SPTBN1: variants seen among roughly 807,000 people sequenced by gnomAD.
SPTBN1 encodes spectrin beta chain, non-erythrocytic 1.
Under a neutral mutation model 266.4 loss-of-function variants are expected in SPTBN1, and 32 were observed. The observed-to-expected ratio is 0.12, with a 90% confidence interval of 0.09 to 0.16. The LOEUF is 0.16. Ranked by LOEUF, SPTBN1 falls within the 10% of genes least tolerant of loss-of-function variation. The pLI, the probability that SPTBN1 is intolerant of heterozygous loss-of-function variation, is 1.00. For missense variants in SPTBN1, 2,296 were observed against 3,067.1 expected (o/e 0.75, Z 5.94); for synonymous variants, 1,336 against 1,162.2 (o/e 1.15, Z -3.04).
At chr2:54,585,616 TTAAGA>T (rs1345619334) in intron 2 of SPTBN1, among the ~76,000 whole-genome samples, 2 of 152,254 alleles carry the variant, frequency 1.3e-5, no homozygotes, top group African/African-American at 4.8e-5. Context: ...CTTTTACATG[TTAAGA>T]TATCTTTAAA....
At chr2:54,652,380 C>G (rs1261200981) in intron 26 of SPTBN1, 1 of 152,158 alleles carries the variant, frequency 6.6e-6, no homozygotes, top group Non-Finnish European at 1.5e-5. Context: ...TCATTGTCAT[C>G]TTGGTGTGCT....
chr2:54,467,350 A>C (rs529608152), intron 1 of SPTBN1, among the ~76,000 whole-genome samples: 2 of 152,128 alleles, frequency 1.3e-5, no homozygotes, highest in African/African-American at 2.4e-5. Context: ...GTGATGTTTA[A>C]ACATTTTCCA....
At chr2:54,576,216 G>A (rs533890522) in intron 2 of SPTBN1, among the ~76,000 whole-genome samples, 27 of 151,776 alleles carry the variant, frequency 1.8e-4, no homozygotes, top group Non-Finnish European at 2.2e-4. Flanking sequence ...CACCACTCCC[G>A]GCTAATGTTT....
intron 34 of SPTBN1, among the ~76,000 whole-genome samples, chr2:54,666,754 T>C (rs1681398328): frequency 6.6e-6 from 1 of 152,376 alleles, no homozygotes; most frequent in East Asian, 1.9e-4. Context: ...TGATTTGTGC[T>C]GTTGCTTTGG....
chr2:54,596,424 CTAGTTGACTGGGGCTTTGTGT>C (rs1446419917), intron 2 of SPTBN1, among the ~76,000 whole-genome samples: 1 of 152,198 alleles, frequency 6.6e-6, no homozygotes, highest in Non-Finnish European at 1.5e-5. Flanking sequence ...AGAGGACACG[CTAGTTGACTGGGGCTTTGTGT>C]GTCTCTGTTG....
At chr2:54,564,019 G>A (rs988866335) in intron 2 of SPTBN1, among the ~76,000 whole-genome samples, 1 of 152,200 alleles carries the variant, frequency 6.6e-6, no homozygotes, top group East Asian at 1.9e-4. Context: ...ACCACAAAGT[G>A]TGGGTTAGAT....
chr2:54,666,127 T>G, intron 34 of SPTBN1, 39 bp downstream of exon 34: 1 of 1,576,044 alleles, frequency 6.3e-7, no homozygotes, highest in South Asian at 1.2e-5. Flanking sequence ...AGAGTGGGTT[T>G]GCATTTACTT....
At chr2:54,618,390 CAG>C (rs1270112993) in intron 7 of SPTBN1, among the ~76,000 whole-genome samples, 197 bp downstream of exon 7, 4 of 152,182 alleles carry the variant, frequency 2.6e-5, no homozygotes, top group Non-Finnish European at 4.4e-5. Flanking sequence ...ACGATTTAAA[CAG>C]AGTCTGAAGG....
At chr2:54,550,429 G>T (rs1209893332) in intron 2 of SPTBN1, among the ~76,000 whole-genome samples, 1 of 152,156 alleles carries the variant, frequency 6.6e-6, no homozygotes, top group Non-Finnish European at 1.5e-5. Context: ...TGCACATGTT[G>T]TTCCATATCT....
In SPTBN1 at chr2:54,629,318, C is replaced by T. The variant is rs771430730; in HGVS notation, c.2184C>T (p.Asn728=). The T allele has an allele frequency of 6.2e-7, 1 of 1,614,062 alleles. No individual in the cohort carries two copies. Among genetic ancestry groups the T allele is most frequent in the South Asian group, 1.1e-5 (1 of 91,086 alleles). Residue 728 remains asparagine (N), a synonymous_variant, in exon 14 of 36, where the codon AAC becomes AAT. Coordinates refer to ENST00000356805, the MANE Select transcript of SPTBN1 (RefSeq NM_003128.3). ...TTTACATCCGGGAGCAGTGGGCCAA[C>T]CTAGAGCAGCTCTCGGCCATTCGGA... ...RIIYIREQWA[N]LEQLSAIRKK...
chr2:54,570,116 CA>C (rs1673956443), intron 2 of SPTBN1, among the ~76,000 whole-genome samples: 1 of 152,172 alleles, frequency 6.6e-6, no homozygotes, highest in South Asian at 2.1e-4. Flanking sequence ...GAGCATCCAG[CA>C]CTTGGTCAGA....
In SPTBN1 at chr2:54,649,686, C is replaced by G; in HGVS notation, c.5274C>G (p.Val1758=). 2 of 1,614,140 alleles carry G rather than the reference C, an allele frequency of 1.2e-6. No individual in the cohort carries two copies. The highest frequency in any genetic ancestry group is 1.1e-5 in the South Asian group (1 of 91,076). The part of the protein sequence containing the change: ...GNIGQERVDT[V]NHLADELINS... Reference sequence around the variant, plus strand: ...TTGGGCAGGAGCGCGTGGACACGGTCAATCACCTGGCAGATGAGCTCATCA... The same window carrying G: ...TTGGGCAGGAGCGCGTGGACACGGTGAATCACCTGGCAGATGAGCTCATCA... Residue 1758 remains valine (V), a synonymous_variant, in exon 26 of 36, where the codon GTC becomes GTG. Transcript: ENST00000356805. This position sits in a 1 kb window ranked among gnomAD's most constrained non-coding sequence, Gnocchi z 6.7.
intron 1 of SPTBN1, 109 bp from the exon 2 acceptor site, chr2:54,526,263 A>G (rs751453057): frequency 1.6e-5 from 14 of 867,302 alleles, no homozygotes; most frequent in African/African-American, 6.8e-5. Context: ...CAGAAGACCT[A>G]TTCTTGGCAA....
At chr2:54,500,736 C>G (rs1669213812) in intron 1 of SPTBN1, among the ~76,000 whole-genome samples, 1 of 152,078 alleles carries the variant, frequency 6.6e-6, no homozygotes. Flanking sequence ...TGGGATTTTG[C>G]CATGTTGCCC....
At chr2:54,633,408 CGT>C (rs370440106) in intron 17 of SPTBN1, among the ~76,000 whole-genome samples, 2,387 of 146,626 alleles carry the variant, frequency 0.016, 36 homozygotes, top group Non-Finnish European at 0.024. Flanking sequence ...TTTTTATTTA[CGT>C]GTGTGTGTGT....
intron 2 of SPTBN1, among the ~76,000 whole-genome samples, chr2:54,532,723 G>C (rs1671331586): frequency 6.6e-6 from 1 of 152,200 alleles, no homozygotes. Context: ...GGAACATGCA[G>C]TGATTCAAAC....
intron 17 of SPTBN1, among the ~76,000 whole-genome samples, chr2:54,637,026 G>A (rs1025226113): frequency 2.6e-5 from 4 of 152,212 alleles, no homozygotes; most frequent in African/African-American, 7.2e-5. Flanking sequence ...CACCTTCACA[G>A]CAGATGGGGA....
At chr2:54,596,567 C>T (rs1043659132) in intron 2 of SPTBN1, among the ~76,000 whole-genome samples, 2 of 152,150 alleles carry the variant, frequency 1.3e-5, no homozygotes, top group Admixed American at 1.3e-4. Context: ...GGAACTTAGA[C>T]CCTGCGTGAT....
chr2:54,550,360 G>C (rs1045752213), intron 2 of SPTBN1, among the ~76,000 whole-genome samples: 1 of 152,180 alleles, frequency 6.6e-6, no homozygotes, highest in Non-Finnish European at 1.5e-5. Context: ...AAGCTCAGGT[G>C]CTGAGGAGGA....
Sources: allele counts gnomAD v4.1 joint callset (sites outside exome capture counted in the v4.1 genomes callset), GRCh38; gene constraint gnomAD v4.1.1; non-coding constraint Gnocchi (gnomAD v3.1); transcripts MANE v1.5; gene names NCBI Gene and HGNC (gene_info 2026-07-23, HGNC 2026-07-21).